Variants in DOK6 observed in about 807,000 individuals in gnomAD.
DOK6 encodes downstream of tyrosine kinase 6.
Under a neutral mutation model 44.0 loss-of-function variants are expected in DOK6, and 22 were observed. The ratio of observed to expected loss-of-function variants is 0.50; its 90% CI spans 0.36 to 0.71. The LOEUF (loss-of-function observed/expected upper bound fraction) is 0.71, where lower values mean the gene tolerates loss of function less well. DOK6 is among the 30% of genes least tolerant of loss of function. The pLI is 0.00. For synonymous variants in DOK6, 166 were observed against 145.5 expected, an observed-to-expected ratio of 1.14 and a Z score of -1.01; for missense variants, 340 against 416.4, an observed-to-expected ratio of 0.82 and a Z score of 1.60.
At chr18:69,800,301 T>C (rs1017458475) in intron 7 of DOK6, among the ~76,000 whole-genome samples, 6 of 152,146 alleles carry the variant, frequency 3.9e-5, no homozygotes, top group African/African-American at 1.4e-4. Context: ...TTTCTTCTCT[T>C]CCCCATTATA....
chr18:69,598,974 AC>A (rs1394393532), intron 2 of DOK6, among the ~76,000 whole-genome samples: 2 of 152,102 alleles, frequency 1.3e-5, no homozygotes, highest in African/African-American at 4.8e-5. Flanking sequence ...TTGCCTCAGG[AC>A]CATAGGCCTA....
rs1239031208 is a variant in DOK6 at position 69,742,423 on chromosome 18, A to AAAAAAG, written c.738+3338_738+3343dup. On this transcript the variant is annotated intron_variant, in intron 6 of 7. Coordinates refer to ENST00000382713, the MANE Select transcript of DOK6 (RefSeq NM_152721.6). Reference sequence around the variant, plus strand: ...GAGTGAAACTCCATCTCAAAAAAAAAAAAAAGAAAAAGAAAAAGAAAAATT... The same window carrying AAAAAAG: ...GAGTGAAACTCCATCTCAAAAAAAAAAAAAAGAAAAAGAAAAAGAAAAAGAAAAATT... Among the ~76,000 whole-genome samples the AAAAAAG allele has an allele frequency of 2.6e-3, 378 of 146,752 alleles. 2 individuals carry two copies. Among genetic ancestry groups the AAAAAAG allele is most frequent in the African/African-American group, 8.9e-3 (362 of 40,504 alleles).
intron 2 of DOK6, among the ~76,000 whole-genome samples, chr18:69,583,551 G>A (rs4450507): frequency 0.89 from 135,615 of 152,120 alleles, 61,440 homozygotes; most frequent in East Asian, 0.98. Context: ...AATTTGATAT[G>A]CTCAAATTTT....
chr18:69,522,859 G>A (rs1272800746), intron 1 of DOK6, among the ~76,000 whole-genome samples: 2 of 152,078 alleles, frequency 1.3e-5, no homozygotes, highest in East Asian at 1.9e-4. Flanking sequence ...ATGGAGAAAA[G>A]TATATCTATA....
chr18:69,709,750 T>C (rs1223693772), intron 5 of DOK6, among the ~76,000 whole-genome samples: 1 of 152,218 alleles, frequency 6.6e-6, no homozygotes, highest in Non-Finnish European at 1.5e-5. Flanking sequence ...TTGTTATAAA[T>C]AAAATTCAAA....
At chr18:69,808,831 G>A (rs1370298405) in intron 7 of DOK6, among the ~76,000 whole-genome samples, 3 of 151,800 alleles carry the variant, frequency 2.0e-5, no homozygotes, top group Admixed American at 6.6e-5. Context: ...AGGACCTGAT[G>A]CCTTCACAAC....
At chr18:69,537,593 T>C (rs1982157738) in intron 1 of DOK6, among the ~76,000 whole-genome samples, 1 of 152,220 alleles carries the variant, frequency 6.6e-6, no homozygotes, top group African/African-American at 2.4e-5. Flanking sequence ...GCACTTATTA[T>C]GAGAAAGACA....
intron 3 of DOK6, among the ~76,000 whole-genome samples, chr18:69,611,079 T>C (rs1984127946): frequency 9.0e-6 from 1 of 111,630 alleles, no homozygotes. Context: ...TATGTACCCA[T>C]AAAAATTAAA....
intron 3 of DOK6, among the ~76,000 whole-genome samples, chr18:69,656,959 A>G (rs991938925): frequency 6.6e-6 from 1 of 152,212 alleles, no homozygotes; most frequent in African/African-American, 2.4e-5. Context: ...TTTCTAATGC[A>G]TAATAAAGTC....
intron 6 of DOK6, among the ~76,000 whole-genome samples, chr18:69,748,490 C>CA (rs1248808631): frequency 6.6e-6 from 1 of 152,128 alleles, no homozygotes; most frequent in Non-Finnish European, 1.5e-5. Context: ...CACTCCTCAG[C>CA]AGATGCAAAA....
chr18:69,415,281 C>A (rs1462443182), intron 1 of DOK6, among the ~76,000 whole-genome samples: 1 of 152,066 alleles, frequency 6.6e-6, no homozygotes, highest in Non-Finnish European at 1.5e-5. Flanking sequence ...TAACTTCCTT[C>A]CTGTATGGAA....
At chr18:69,485,564 T>C (rs748656053) in intron 1 of DOK6, among the ~76,000 whole-genome samples, 1 of 152,130 alleles carries the variant, frequency 6.6e-6, no homozygotes, top group Non-Finnish European at 1.5e-5. Context: ...AAGTGAAGGC[T>C]TAATCCTTTT....
At chr18:69,668,000 A>G (rs1379974572) in intron 3 of DOK6, among the ~76,000 whole-genome samples, 2 of 152,170 alleles carry the variant, frequency 1.3e-5, no homozygotes, top group East Asian at 3.8e-4. Flanking sequence ...AACTCTTGTT[A>G]TTTTCCTCTA....
At chr18:69,516,479 A>G (rs527427463) in intron 1 of DOK6, among the ~76,000 whole-genome samples, 4 of 152,336 alleles carry the variant, frequency 2.6e-5, no homozygotes, top group African/African-American at 9.6e-5. Flanking sequence ...GTGTATGCAA[A>G]GACATAGAGA....
intron 2 of DOK6, among the ~76,000 whole-genome samples, chr18:69,593,556 C>T (rs895344850): frequency 6.6e-6 from 1 of 152,120 alleles, no homozygotes; most frequent in African/African-American, 2.4e-5. Context: ...CTTGAAGAAG[C>T]TGTCTGCATT....
chr18:69,711,999 C>T (rs1042680308), intron 5 of DOK6, among the ~76,000 whole-genome samples: 98 of 151,966 alleles, frequency 6.4e-4, no homozygotes, highest in African/African-American at 2.2e-3. Context: ...TGAACCTTTT[C>T]GGCCGGGCGC....
At chr18:69,644,495 C>A (rs1196581084) in intron 3 of DOK6, among the ~76,000 whole-genome samples, 2 of 152,092 alleles carry the variant, frequency 1.3e-5, no homozygotes, top group South Asian at 4.1e-4. Context: ...TGCACCAGTG[C>A]CATTTAATGA....
chr18:69,815,528 T>C (rs1243117704), intron 7 of DOK6, among the ~76,000 whole-genome samples: 3 of 152,212 alleles, frequency 2.0e-5, no homozygotes, highest in Non-Finnish European at 4.4e-5. Context: ...ACTCTGTTTA[T>C]ATTACGATCA....
chr18:69,750,829 TG>T (rs2144748433), intron 6 of DOK6, among the ~76,000 whole-genome samples: 1 of 152,340 alleles, frequency 6.6e-6, no homozygotes, highest in South Asian at 2.1e-4. Context: ...TCAGCATAAG[TG>T]TTTATCAACA....
Sources: gnomAD v4.1 joint callset for allele counts (sites outside exome capture counted in the v4.1 genomes callset) on GRCh38, gnomAD v4.1.1 for gene constraint, MANE v1.5 for transcripts, NCBI Gene and HGNC (gene_info 2026-07-23, HGNC 2026-07-21) for gene names.